The following ITPR2 variants were observed in gnomAD, a reference collection of about 807,000 sequenced individuals.
The protein encoded by ITPR2 is inositol 1,4,5-trisphosphate-gated calcium channel ITPR2.
ITPR2 carries 207 observed loss-of-function variants against 317.1 expected under a neutral mutation model. The ratio of observed to expected loss-of-function variants is 0.65; its 90% CI spans 0.58 to 0.73. The LOEUF is 0.73. ITPR2 is among the 30% of genes least tolerant of loss of function. The pLI, the probability that ITPR2 is intolerant of heterozygous loss-of-function variation, is 0.00. For synonymous variants in ITPR2, 1,156 were observed against 1,149.1 expected (o/e 1.01, Z -0.12); for missense variants, 2,613 against 3,284.0 (o/e 0.80, Z 4.99).
chr12:26,573,577 G>A (rs1945212323), intron 34 of ITPR2, among the ~76,000 whole-genome samples: 3 of 152,104 alleles, frequency 2.0e-5, no homozygotes, highest in African/African-American at 7.2e-5. Flanking sequence ...AAGAAGCTGA[G>A]ACACTGCATG....
chr12:26,760,382 T>C (rs1949609387), intron 2 of ITPR2, among the ~76,000 whole-genome samples: 1 of 152,218 alleles, frequency 6.6e-6, no homozygotes, highest in African/African-American at 2.4e-5. Flanking sequence ...ACCCAAGATG[T>C]CTACATCACC....
rs376202858 is a variant in ITPR2, at chr12:26,527,348, TTGC to T, written c.5073+22896_5073+22898del. ...TAGGAAGAATGCCTTTGAGAAATGT[TTGC>T]TGTTGTTGATGATGATAGAATGCCT... On this transcript the variant is annotated intron_variant, in intron 37 of 56. Transcript: ENST00000381340. Among the ~76,000 whole-genome samples the T allele has an allele frequency of 3.8e-3, 582 of 152,340 alleles. 3 individuals are homozygous for T. The highest frequency in any genetic ancestry group is 0.013 in the African/African-American group (559 of 41,584).
At chr12:26,344,562 G>A (rs973700140) in intron 55 of ITPR2, among the ~76,000 whole-genome samples, 2 of 152,190 alleles carry the variant, frequency 1.3e-5, no homozygotes, top group African/African-American at 4.8e-5. Flanking sequence ...GATCAGCCAA[G>A]TCCATGGCCT....
intron 2 of ITPR2, among the ~76,000 whole-genome samples, chr12:26,780,852 G>A (rs1481283014): frequency 6.6e-6 from 1 of 152,118 alleles, no homozygotes. Flanking sequence ...TCCAGAGGAA[G>A]GAATGCTGCC....
chr12:26,832,185 C>G (rs1592168385), intron 1 of ITPR2, among the ~76,000 whole-genome samples: 1 of 152,102 alleles, frequency 6.6e-6, no homozygotes, highest in East Asian at 1.9e-4. Context: ...ACGGTGAGCT[C>G]CTCCCGCAGG....
chr12:26,785,047 T>C (rs1433606318), intron 2 of ITPR2, among the ~76,000 whole-genome samples: 4 of 30,892 alleles, frequency 1.3e-4, no homozygotes, highest in Non-Finnish European at 2.5e-4. Flanking sequence ...GTCTGAGAAG[T>C]GAGGAAACCC....
Position 26,494,716 on chromosome 12 carries a change from G to A in ITPR2, c.5183-376C>T, listed in dbSNP as rs56101669. Among the ~76,000 whole-genome samples, 677 of 127,796 alleles carry A rather than the reference G, an allele frequency of 5.3e-3. 4 individuals carry two copies. Among genetic ancestry groups the A allele is most frequent in the African/African-American group, 0.018 (634 of 35,180 alleles). 83.8% of individuals were successfully genotyped at this position (127,796 alleles called of 152,430 possible). A position where few individuals can be genotyped will look rare whatever the true frequency, so the allele number is the denominator to read the frequency against. On this transcript the variant is annotated intron_variant, in intron 38 of 56. Transcript: ENST00000381340. ...ACCTCAGAGGCAGAGGTTGCAGTGA[G>A]CCAAGATTGCGCCACTGCACTCTGG...
intron 45 of ITPR2, among the ~76,000 whole-genome samples, chr12:26,451,932 C>T (rs1358827901): frequency 2.0e-5 from 3 of 152,134 alleles, no homozygotes; most frequent in African/African-American, 7.2e-5. Flanking sequence ...AGTGTTGTGA[C>T]GATTGATGAA....
At chr12:26,591,387 T>C (rs1945699790) in intron 32 of ITPR2, among the ~76,000 whole-genome samples, 1 of 152,148 alleles carries the variant, frequency 6.6e-6, no homozygotes, top group Non-Finnish European at 1.5e-5. Context: ...CAATGAGATA[T>C]CATCTCACCC....
At chr12:26,383,193 C>A (rs543101550) in intron 55 of ITPR2, among the ~76,000 whole-genome samples, 1 of 152,290 alleles carries the variant, frequency 6.6e-6, no homozygotes, top group Admixed American at 6.5e-5. Flanking sequence ...TCACCTTCTG[C>A]CATGAGTGAA....
chr12:26,407,950 T>C (rs1281654550), intron 52 of ITPR2, among the ~76,000 whole-genome samples: 1 of 152,166 alleles, frequency 6.6e-6, no homozygotes, highest in Non-Finnish European at 1.5e-5. Flanking sequence ...CTCTCAGATG[T>C]TCCATGTGGC....
intron 37 of ITPR2, among the ~76,000 whole-genome samples, chr12:26,512,184 T>TAAAAAAAA (rs55699727): frequency 7.3e-6 from 1 of 136,254 alleles, no homozygotes. Context: ...GCTACAAAGA[T>TAAAAAAAA]AAAAAAAAAA....
intron 49 of ITPR2, 55 bp from the exon 50 acceptor site, chr12:26,419,268 G>T: frequency 6.7e-7 from 1 of 1,489,676 alleles, no homozygotes; most frequent in South Asian, 1.2e-5. Context: ...AAACCCACAT[G>T]GATGAAAACT....
chr12:26,456,277 T>A (rs1021294313), intron 45 of ITPR2, among the ~76,000 whole-genome samples: 1 of 152,236 alleles, frequency 6.6e-6, no homozygotes, highest in African/African-American at 2.4e-5. Context: ...CCTCTGGTTG[T>A]CCTTACTGCT....
chr12:26,787,236 G>T (rs1318065255), intron 2 of ITPR2, among the ~76,000 whole-genome samples: 1 of 152,194 alleles, frequency 6.6e-6, no homozygotes, highest in Admixed American at 6.5e-5. Context: ...AGATAAGACA[G>T]AACCCTGAGT....
intron 32 of ITPR2, among the ~76,000 whole-genome samples, chr12:26,586,748 T>C (rs879690448): frequency 3.3e-5 from 5 of 152,150 alleles, no homozygotes; most frequent in Non-Finnish European, 7.4e-5. Flanking sequence ...GATCCATCAG[T>C]AAACAAAATA....
intron 45 of ITPR2, among the ~76,000 whole-genome samples, chr12:26,470,089 G>A (rs1942262346): frequency 6.6e-6 from 1 of 152,082 alleles, no homozygotes; most frequent in Non-Finnish European, 1.5e-5. Context: ...TACCCCATCT[G>A]GCCTTGAAGA....
chr12:26,605,098 A>AT (rs755669853), intron 26 of ITPR2, among the ~76,000 whole-genome samples: 3,718 of 107,148 alleles, frequency 0.035, 212 homozygotes, highest in African/African-American at 0.11. Flanking sequence ...AAAAAAAAAA[A>AT]AAATAAAAAT....
At position 26,387,532 on chromosome 12, in the gene ITPR2, G is replaced by A. The variant is rs1375455023; in HGVS notation, c.7759C>T (p.His2587Tyr). 7 of 1,613,746 alleles carry A rather than the reference G, an allele frequency of 4.3e-6. No homozygotes were observed. In the South Asian group the frequency reaches 7.7e-5, roughly 18 times the overall value. Reference sequence around the variant, plus strand: ...AAGTACAAATAATGCCACATATTGTGTTCTGACTTAATGTGCTCCTCAAAT... The same window carrying A: ...AAGTACAAATAATGCCACATATTGTATTCTGACTTAATGTGCTCCTCAAAT... ...VSFEEHIKSE[H>Y]NMWHYLYFIV... The change falls in exon 55 of 57, where the codon CAC becomes TAC. Residue 2587 changes from histidine (H) to tyrosine (Y), a missense_variant. This residue lies in a region of ITPR2 where 119 missense variants were observed against 144.3 expected (regional missense o/e 0.82). Coordinates refer to ENST00000381340, the MANE Select transcript of ITPR2 (RefSeq NM_002223.4).
Sources: allele counts gnomAD v4.1 joint callset (sites outside exome capture counted in the v4.1 genomes callset), GRCh38; gene constraint gnomAD v4.1.1; regional missense constraint gnomAD v4.1.1; transcripts MANE v1.5; gene names NCBI Gene and HGNC (gene_info 2026-07-23, HGNC 2026-07-21).